Variants in SLCO4A1 observed in about 807,000 individuals in gnomAD.
SLCO4A1 encodes colon organic anion transporter.
Under a neutral mutation model 64.6 loss-of-function variants are expected in SLCO4A1, and 51 were observed. That is an observed-to-expected ratio of 0.79 (90% CI 0.63 to 1.00). SLCO4A1 has a LOEUF of 1.00. Ranked by LOEUF, SLCO4A1 falls within the 50% of genes least tolerant of loss-of-function variation. The probability of loss-of-function intolerance (pLI) is 0.00; values close to 1 mark genes in which losing one functional copy is unlikely to be tolerated. For missense variants in SLCO4A1, 919 were observed against 980.5 expected (o/e 0.94, Z 0.84); for synonymous variants, 471 against 444.9 (o/e 1.06, Z -0.74).
At chr20:62,683,473 G>A (rs73147414) in intron 2 of SLCO4A1, among the ~76,000 whole-genome samples, 2,357 of 152,220 alleles carry the variant, frequency 0.015, 34 homozygotes, top group Non-Finnish European at 0.023. Context: ...TGAGGTTGAC[G>A]GCGACAGTGA....
downstream of SLCO4A1, chr20:62,672,319 C>G (rs903524555): frequency 5.6e-6 from 6 of 1,062,098 alleles, no homozygotes; most frequent in African/African-American, 1.0e-4. Context: ...TGCTTTATTT[C>G]TATGAGTTTG....
downstream of SLCO4A1, among the ~76,000 whole-genome samples, chr20:62,686,840 C>A (rs183893320): frequency 6.6e-6 from 1 of 152,124 alleles, no homozygotes; most frequent in Non-Finnish European, 1.5e-5. Context: ...AGGGTGCCCC[C>A]GAACAGGCAC....
intron 5 of SLCO4A1, chr20:62,663,127 C>T (rs984159065): frequency 6.6e-6 from 1 of 152,348 alleles, no homozygotes; most frequent in South Asian, 2.1e-4. Context: ...AGCCAGCGAA[C>T]ACCTCCAAGC....
At chr20:62,687,210 A>G (rs1008585806), downstream of SLCO4A1, among the ~76,000 whole-genome samples, 1 of 151,622 alleles carries the variant, frequency 6.6e-6, no homozygotes, top group Non-Finnish European at 1.5e-5. Context: ...GCACCCCCAA[A>G]CAGGAGCGGG....
chr20:62,660,009 C>T (rs1423044239), intron 3 of SLCO4A1, among the ~76,000 whole-genome samples: 1 of 152,244 alleles, frequency 6.6e-6, no homozygotes, highest in Non-Finnish European at 1.5e-5. Flanking sequence ...TCTCAGTGAG[C>T]TCCAGCTGAG....
rs1316000345 is a variant in SLCO4A1 at position 62,644,027 on chromosome 20, G to A, written c.-97+1474G>A. Among the ~76,000 whole-genome samples, 4 of 152,240 alleles carry A rather than the reference G, an allele frequency of 2.6e-5. No individual in the cohort carries two copies. The highest frequency in any genetic ancestry group is 5.9e-5 in the Non-Finnish European group (4 of 68,048). On this transcript the variant is annotated intron_variant, in intron 1 of 11. Coordinates refer to ENST00000217159, the MANE Select transcript of SLCO4A1 (RefSeq NM_016354.4). This position sits in a 1 kb window ranked among gnomAD's most constrained non-coding sequence, Gnocchi z 5.4. ...GCTTGGGCTCCTGTTTTACGACTCTGTTCTTAAAGAGGCAAAAGGCGACTG... is the reference window on the plus strand; with the variant it reads ...GCTTGGGCTCCTGTTTTACGACTCTATTCTTAAAGAGGCAAAAGGCGACTG...
rs1569143258 is a variant in SLCO4A1, at chr20:62,666,556, A to G, written c.1453A>G (p.Thr485Ala). The change falls in exon 7 of 12, where the codon ACA becomes GCA. Residue 485 changes from threonine (T) to alanine (A), a missense_variant. Thr to Ala is a moderately conservative substitution (Grantham distance 58, BLOSUM62 0). Coordinates refer to ENST00000217159, the MANE Select transcript of SLCO4A1 (RefSeq NM_016354.4). ...CCCCAGTGTGCCCATGGCGGGCGTC[A>G]CAGCCAGCTACGGCGGGAGGTGAGG... ...HCPSVPMAGV[T>A]ASYGGSLLPE... is the part of the protein sequence containing the mutation. The G allele has an allele frequency of 6.2e-7, 1 of 1,612,580 alleles. No homozygotes were observed. Among genetic ancestry groups the G allele is most frequent in the Non-Finnish European group, 8.5e-7 (1 of 1,179,878 alleles).
downstream of SLCO4A1, among the ~76,000 whole-genome samples, chr20:62,676,335 G>A (rs757094583): frequency 8.2e-4 from 124 of 152,140 alleles, no homozygotes; most frequent in Non-Finnish European, 5.0e-4. Flanking sequence ...TGGGAGGATC[G>A]CCTAAGCCTG....
intron 4 of SLCO4A1, among the ~76,000 whole-genome samples, chr20:62,660,769 C>A (rs1984635996): frequency 6.6e-6 from 1 of 152,196 alleles, no homozygotes; most frequent in Non-Finnish European, 1.5e-5. Context: ...CGGCTTCTCC[C>A]CCTCAGGCCA....
chr20:62,677,242 C>T (rs563201625), downstream of SLCO4A1, among the ~76,000 whole-genome samples: 286 of 152,294 alleles, frequency 1.9e-3, no homozygotes, highest in African/African-American at 6.5e-3. Flanking sequence ...TGTGAACATG[C>T]TTAAAAAACC....
chr20:62,664,746 C>T (rs577371842), intron 5 of SLCO4A1, among the ~76,000 whole-genome samples, 188 bp from the exon 6 acceptor site: 4 of 152,292 alleles, frequency 2.6e-5, no homozygotes, highest in East Asian at 1.9e-4. Flanking sequence ...GTAATCAGAC[C>T]GGGGAGCTGA....
In SLCO4A1 at chr20:62,665,210, C is replaced by A. The variant is rs141650269; in HGVS notation, c.1276+122C>A. On this transcript the variant is annotated intron_variant, in intron 6 of 11. Coordinates refer to ENST00000217159, the MANE Select transcript of SLCO4A1 (RefSeq NM_016354.4). ...ATGGCAGTGAGTGCCCTCCCACCCC[C>A]GCTGCCAGAGCAGGTGTGGAGAGCG... The A allele has an allele frequency of 5.2e-6, 6 of 1,145,190 alleles. No homozygotes were observed. In the African/African-American group the frequency reaches 6.2e-5, roughly 12 times the overall value. The allele number at this position is 1,145,190 out of a possible 1,614,324, so 70.9% of individuals were successfully genotyped here. A position where few individuals can be genotyped will look rare whatever the true frequency, so the allele number is the denominator to read the frequency against.
In SLCO4A1 at chr20:62,661,898, C is replaced by T. The variant is rs2147087934; in HGVS notation, c.1121+723C>T. ...GGGGCCCGGGCCCTCCCGGCCTCTC[C>T]TGGGGATCATGCCTTCCCTGGGGGG... is the stretch of plus-strand genomic sequence containing the variant. On this transcript the variant is annotated intron_variant, in intron 5 of 11. Coordinates refer to ENST00000217159, the MANE Select transcript of SLCO4A1 (RefSeq NM_016354.4). This position sits in a 1 kb window ranked among gnomAD's most constrained non-coding sequence, Gnocchi z 5.2. Among the ~76,000 whole-genome samples, 1 of 152,224 alleles carries T rather than the reference C, an allele frequency of 6.6e-6. No individual in the cohort carries two copies. The highest frequency in any genetic ancestry group is 2.4e-5 in the African/African-American group (1 of 41,564).
At chr20:62,690,387 G>A (rs574995514), downstream of SLCO4A1, among the ~76,000 whole-genome samples, 3 of 152,258 alleles carry the variant, frequency 2.0e-5, no homozygotes, top group East Asian at 1.9e-4. Flanking sequence ...CTCTGACCCT[G>A]CAGCCAAGGA....
At chr20:62,660,778 C>A (rs1009986816) in intron 4 of SLCO4A1, among the ~76,000 whole-genome samples, 5 of 152,220 alleles carry the variant, frequency 3.3e-5, no homozygotes, top group Non-Finnish European at 7.3e-5. Flanking sequence ...CCCCTCAGGC[C>A]ACGGAACAGG....
Position 62,658,706 on chromosome 20 carries a change from C to A in SLCO4A1, c.826C>A (p.Pro276Thr). Residue 276 changes from proline to threonine, a missense_variant, in exon 3 of 12, where the codon CCA becomes ACA. By Grantham distance (38) the Pro-to-Thr change is conservative. Coordinates refer to ENST00000217159, the MANE Select transcript of SLCO4A1 (RefSeq NM_016354.4). ...CTTCTACACAGCGGCCATCCTGGGC[C>A]CAGCTGCCGGCTACCTGATTGGAGG... ...AIFYTAAILG[P>T]AAGYLIGGAL... 2 of 1,612,230 alleles carry A rather than the reference C, an allele frequency of 1.2e-6. No homozygotes were observed. The highest frequency in any genetic ancestry group is 1.7e-6 in the Non-Finnish European group (2 of 1,179,606).
At chr20:62,666,113 C>CTT (rs1986217382) in intron 6 of SLCO4A1, 1 of 79,598 alleles carries the variant, frequency 1.3e-5, no homozygotes, top group Admixed American at 1.2e-4. Context: ...CCGCCCCGCC[C>CTT]CCCCGCTCCC....
Position 62,656,693 on chromosome 20 carries a change from C to T in SLCO4A1, c.239C>T (p.Ala80Val), listed in dbSNP as rs1202997386. 2 of 1,609,638 alleles carry T rather than the reference C, an allele frequency of 1.2e-6. No individual in the cohort carries two copies. The highest frequency in any genetic ancestry group is 2.2e-5 in the South Asian group (2 of 90,542). Residue 80 changes from alanine (A) to valine (V), a missense_variant, in exon 2 of 12, where the codon GCC (alanine) becomes GTC (valine). Coordinates refer to ENST00000217159, the MANE Select transcript of SLCO4A1 (RefSeq NM_016354.4). Reference sequence around the variant, plus strand: ...ACCCATGAGGTGCGGTACGTCTCGGCCGGGCAGAGCGTGGCGTGCGGCTGG... The same window carrying T: ...ACCCATGAGGTGCGGTACGTCTCGGTCGGGCAGAGCGTGGCGTGCGGCTGG... ...RGTHEVRYVS[A>V]GQSVACGWWA... is the part of the protein sequence containing the mutation.
Position 62,652,356 on chromosome 20 carries a change from C to T in SLCO4A1, c.-96-4003C>T, listed in dbSNP as rs114466766. Among the ~76,000 whole-genome samples the T allele has an allele frequency of 7.1e-3, 1,075 of 152,276 alleles. 14 individuals are homozygous for T. The highest frequency in any genetic ancestry group is 0.025 in the African/African-American group (1,029 of 41,552). ...ACCCACAGGCTGCCTGGGGAGTCTG[C>T]GTGGCTCTGAGCCTGGCCTGTCCTC... On this transcript the variant is annotated intron_variant, in intron 1 of 11. Coordinates refer to ENST00000217159, the MANE Select transcript of SLCO4A1 (RefSeq NM_016354.4).
Sources: allele counts gnomAD v4.1 joint callset (sites outside exome capture counted in the v4.1 genomes callset), GRCh38; gene constraint gnomAD v4.1.1; non-coding constraint Gnocchi (gnomAD v3.1); transcripts MANE v1.5; gene names NCBI Gene and HGNC (gene_info 2026-07-23, HGNC 2026-07-21).